The following CCDC63 variants were observed in gnomAD, a reference collection of about 807,000 sequenced individuals.
The protein encoded by CCDC63 is coiled-coil domain-containing protein 63.
A neutral mutation model predicts 63.6 loss-of-function variants in CCDC63; 54 were observed. That is an observed-to-expected ratio of 0.85 (90% CI 0.68 to 1.07). The LOEUF (loss-of-function observed/expected upper bound fraction) is 1.07, where lower values mean the gene tolerates loss of function less well. Among genes scored for constraint, CCDC63 ranks in the 50% least tolerant of loss-of-function variants. The pLI, the probability that CCDC63 is intolerant of heterozygous loss-of-function variation, is 0.00. For synonymous variants in CCDC63, 253 were observed against 266.1 expected (o/e 0.95, Z 0.48); for missense variants, 637 against 689.6 (o/e 0.92, Z 0.86).
intron 8 of CCDC63, among the ~76,000 whole-genome samples, chr12:110,887,441 A>G (rs902631169): frequency 1.5e-4 from 23 of 151,776 alleles, no homozygotes; most frequent in Middle Eastern, 3.2e-3. Flanking sequence ...TTGCTCTGCA[A>G]GCTCTATTCT....
At chr12:110,879,275 T>C (rs1025969831) in intron 5 of CCDC63, among the ~76,000 whole-genome samples, 2 of 152,238 alleles carry the variant, frequency 1.3e-5, no homozygotes, top group Non-Finnish European at 2.9e-5. Context: ...TTCTTTAATC[T>C]AGAACAGTGG....
intron 4 of CCDC63, among the ~76,000 whole-genome samples, chr12:110,867,072 C>T (rs1261759074): frequency 5.0e-5 from 7 of 140,968 alleles, no homozygotes; most frequent in East Asian, 2.2e-4. Context: ...TAGGGGCGGC[C>T]GGGCAGAGGC....
At chr12:110,871,668 G>A (rs11614320) in intron 4 of CCDC63, among the ~76,000 whole-genome samples, 10,419 of 151,344 alleles carry the variant, frequency 0.069, 408 homozygotes, top group East Asian at 0.15. Flanking sequence ...ATGATGAGGT[G>A]CACGCGTCTT....
intron 4 of CCDC63, among the ~76,000 whole-genome samples, chr12:110,865,990 A>G (rs1046539971): frequency 1.3e-5 from 2 of 151,778 alleles, no homozygotes; most frequent in African/African-American, 2.4e-5. Context: ...CTTTTTTTGT[A>G]TATGTGAGAC....
At chr12:110,854,940 A>G (rs2070752395) in intron 3 of CCDC63, among the ~76,000 whole-genome samples, 1 of 152,130 alleles carries the variant, frequency 6.6e-6, no homozygotes, top group Admixed American at 6.5e-5. Flanking sequence ...CTGGGATCAC[A>G]GGCGTGTGCC....
chr12:110,855,638 A>G (rs188148702), intron 3 of CCDC63, among the ~76,000 whole-genome samples: 92 of 152,052 alleles, frequency 6.1e-4, no homozygotes, highest in African/African-American at 2.0e-3. Context: ...CTGGAGTGCA[A>G]TGGTGCGATC....
At chr12:110,902,596 T>A (rs1309815625) in intron 10 of CCDC63, among the ~76,000 whole-genome samples, 11 of 151,736 alleles carry the variant, frequency 7.2e-5, no homozygotes, top group Admixed American at 7.2e-4. Flanking sequence ...TATTATTCCC[T>A]CTCACCGCAG....
intron 4 of CCDC63, among the ~76,000 whole-genome samples, chr12:110,866,202 G>A (rs111897405): frequency 9.0e-4 from 137 of 152,080 alleles, no homozygotes; most frequent in Non-Finnish European, 1.7e-3. Context: ...TGTCTTGAAC[G>A]TCTGACCTCA....
intron 8 of CCDC63, among the ~76,000 whole-genome samples, chr12:110,892,318 G>C (rs2071366725): frequency 6.6e-6 from 1 of 152,168 alleles, no homozygotes; most frequent in Non-Finnish European, 1.5e-5. Flanking sequence ...CTGTGGGCCT[G>C]TAATCCCAGC....
At chr12:110,887,565 G>A (rs75945237) in intron 8 of CCDC63, among the ~76,000 whole-genome samples, 5,290 of 152,102 alleles carry the variant, frequency 0.035, 314 homozygotes, top group African/African-American at 0.12. Flanking sequence ...CATGGGAGGG[G>A]GCTGGGACCC....
Position 110,881,215 on chromosome 12 carries a change from CA to C in CCDC63, c.773del (p.His258LeufsTer13), listed in dbSNP as rs767123785. On this transcript the variant is annotated frameshift_variant, in exon 7 of 12. Transcript: ENST00000308208. LOFTEE classifies it high-confidence loss of function. ...EIRELERLYA[H>X]ESKLKSFLLV... ...CCGAGAGCTGGAGCGTCTCTATGCC[CA>C]TGAGAGCAAGCTCAAGTCCTTCCTG... 6.2e-7 allele frequency: 1 copy of C among 1,613,868 alleles called. No homozygotes were observed. The highest frequency in any genetic ancestry group is 8.5e-7 in the Non-Finnish European group (1 of 1,179,962).
At chr12:110,852,774 C>T in intron 1 of CCDC63, 85 bp from the exon 2 acceptor site, 2 of 812,070 alleles carry the variant, frequency 2.5e-6, no homozygotes, top group South Asian at 3.0e-5. Flanking sequence ...GAAGGGATGG[C>T]AGGGGGAGGG....
chr12:110,903,546 G>T (rs1014885825), intron 10 of CCDC63, among the ~76,000 whole-genome samples: 3 of 152,180 alleles, frequency 2.0e-5, no homozygotes, highest in Non-Finnish European at 4.4e-5. Flanking sequence ...TGTTGTCATT[G>T]TTTTGTTTTT....
chr12:110,857,530 T>C (rs2070789762), intron 3 of CCDC63, among the ~76,000 whole-genome samples: 2 of 152,184 alleles, frequency 1.3e-5, no homozygotes, highest in South Asian at 4.1e-4. Flanking sequence ...GGTCTCAGGT[T>C]GGGCACCTGA....
At chr12:110,902,237 C>T (rs1490775508) in intron 10 of CCDC63, among the ~76,000 whole-genome samples, 2 of 152,204 alleles carry the variant, frequency 1.3e-5, no homozygotes, top group Non-Finnish European at 2.9e-5. Context: ...CTGACCTGGT[C>T]AGCAAGGCTT....
chr12:110,861,836 G>T (rs1356719960), intron 4 of CCDC63, among the ~76,000 whole-genome samples: 1 of 151,414 alleles, frequency 6.6e-6, no homozygotes, highest in Non-Finnish European at 1.5e-5. Flanking sequence ...CCTCTGAAGT[G>T]CTGGGATTAC....
intron 4 of CCDC63, among the ~76,000 whole-genome samples, chr12:110,868,167 A>T (rs992185923): frequency 6.9e-6 from 1 of 145,580 alleles, no homozygotes; most frequent in South Asian, 2.2e-4. Context: ...CACTTCCTAG[A>T]TGTGATGGCG....
intron 2 of CCDC63, 140 bp from the exon 3 acceptor site, chr12:110,853,265 G>A (rs975667708): frequency 2.0e-5 from 17 of 830,156 alleles, no homozygotes; most frequent in Admixed American, 2.8e-5. Context: ...TAGACAAGCA[G>A]CTGACATCAC....
At chr12:110,857,357 C>T (rs1046767004) in intron 3 of CCDC63, among the ~76,000 whole-genome samples, 9 of 149,980 alleles carry the variant, frequency 6.0e-5, no homozygotes, top group Non-Finnish European at 1.0e-4. Flanking sequence ...GAACTCCTGA[C>T]CTCATGATCC....
Sources: gnomAD v4.1 joint callset for allele counts (sites outside exome capture counted in the v4.1 genomes callset) on GRCh38, gnomAD v4.1.1 for gene constraint, MANE v1.5 for transcripts, NCBI Gene and HGNC (gene_info 2026-07-23, HGNC 2026-07-21) for gene names.